The following SPAG16 variants were observed in gnomAD, a reference collection of about 807,000 sequenced individuals.
SPAG16 encodes the protein sperm-associated antigen 16 protein.
A neutral mutation model predicts 80.4 loss-of-function variants in SPAG16; 86 were observed. The ratio of observed to expected loss-of-function variants is 1.07; its 90% CI spans 0.90 to 1.28. The LOEUF (loss-of-function observed/expected upper bound fraction) is 1.28. Among genes scored for constraint, SPAG16 ranks in the 50% most tolerant of loss-of-function variants. The pLI, the probability that SPAG16 is intolerant of heterozygous loss-of-function variation, is 0.00. For missense variants in SPAG16, 870 were observed against 765.3 expected, an observed-to-expected ratio of 1.14 and a Z score of -1.61; for synonymous variants, 294 against 265.9, an observed-to-expected ratio of 1.11 and a Z score of -1.03.
chr2:214,380,652 T>TATC (rs1700396143), intron 15 of SPAG16, among the ~76,000 whole-genome samples: 2 of 152,366 alleles, frequency 1.3e-5, no homozygotes, highest in Admixed American at 1.3e-4. Context: ...AAACAGAGCA[T>TATC]ATCTTCAAAA....
intron 11 of SPAG16, among the ~76,000 whole-genome samples, chr2:213,887,887 T>C (rs2076622352): frequency 6.6e-6 from 1 of 151,918 alleles, no homozygotes; most frequent in Non-Finnish European, 1.5e-5. Context: ...TTTAGGTTGT[T>C]GCAAAGGTAA....
At position 213,818,818 on chromosome 2, in the gene SPAG16, A is replaced by T. The variant is rs551271650; in HGVS notation, c.1071-43667A>T. On this transcript the variant is annotated intron_variant, in intron 10 of 15. Coordinates refer to ENST00000331683, the MANE Select transcript of SPAG16 (RefSeq NM_024532.5). The stretch of plus-strand genomic sequence containing the variant: ...TGAGATCTGATGGTTTAAAAGTGGC[A>T]GTTTCCCCTGTGCTCTCTCTCTCCT... Among the ~76,000 whole-genome samples the T allele has an allele frequency of 4.4e-4, 67 of 152,178 alleles. 1 individual carries two copies. The highest frequency in any genetic ancestry group is 6.8e-3 in the Middle Eastern group (2 of 294).
intron 11 of SPAG16, among the ~76,000 whole-genome samples, chr2:213,914,239 G>A (rs1168166902): frequency 6.6e-6 from 1 of 151,958 alleles, no homozygotes; most frequent in African/African-American, 2.4e-5. Flanking sequence ...AATAACTATA[G>A]AAAGTTCATT....
At chr2:214,201,933 C>T (rs1379526766) in intron 15 of SPAG16, among the ~76,000 whole-genome samples, 2 of 152,214 alleles carry the variant, frequency 1.3e-5, no homozygotes, top group East Asian at 1.9e-4. Context: ...GCAGCCTCAA[C>T]TTCCCAGGCT....
At chr2:213,531,604 C>T (rs1008205703) in intron 10 of SPAG16, among the ~76,000 whole-genome samples, 3 of 152,036 alleles carry the variant, frequency 2.0e-5, no homozygotes, top group Non-Finnish European at 2.9e-5. Flanking sequence ...CCAAGTCCAG[C>T]GCTTCTTTAG....
chr2:213,941,388 G>C (rs930319193), intron 12 of SPAG16, among the ~76,000 whole-genome samples: 1 of 151,950 alleles, frequency 6.6e-6, no homozygotes, highest in Admixed American at 6.6e-5. Context: ...TATCACTGAG[G>C]TACATAAATA....
At chr2:213,781,353 T>C (rs2069952122) in intron 10 of SPAG16, among the ~76,000 whole-genome samples, 2 of 152,194 alleles carry the variant, frequency 1.3e-5, no homozygotes, top group Admixed American at 6.5e-5. Flanking sequence ...TAGAAGGCAT[T>C]AATAGATATA....
intron 13 of SPAG16, among the ~76,000 whole-genome samples, chr2:214,038,024 G>T (rs894109596): frequency 6.6e-6 from 1 of 151,902 alleles, no homozygotes; most frequent in East Asian, 1.9e-4. Context: ...CCTTCTAATG[G>T]TTGTGTTAAT....
intron 12 of SPAG16, among the ~76,000 whole-genome samples, chr2:213,968,080 CTTTCT>C (rs2044801820): frequency 6.8e-6 from 1 of 147,704 alleles, no homozygotes; most frequent in African/African-American, 2.5e-5. Flanking sequence ...CTTTCCTTTC[CTTTCT>C]TCTTTCCTTC....
chr2:214,228,398 G>A (rs966976371), intron 15 of SPAG16, among the ~76,000 whole-genome samples: 6 of 151,808 alleles, frequency 4.0e-5, no homozygotes, highest in Non-Finnish European at 7.4e-5. Flanking sequence ...GCATTCATAG[G>A]AAATATTTTA....
chr2:213,862,709 TTGA>T (rs2075527420), intron 11 of SPAG16, 81 bp downstream of exon 11: 2 of 1,487,466 alleles, frequency 1.3e-6, no homozygotes, highest in Non-Finnish European at 1.8e-6. Flanking sequence ...TCTGCTGTCT[TTGA>T]TGATGTTTTT....
intron 15 of SPAG16, among the ~76,000 whole-genome samples, chr2:214,205,756 A>G (rs1431782898): frequency 6.6e-6 from 1 of 152,230 alleles, no homozygotes; most frequent in Non-Finnish European, 1.5e-5. Flanking sequence ...TATTTATGGA[A>G]TACATGTGAT....
intron 10 of SPAG16, among the ~76,000 whole-genome samples, chr2:213,705,791 TGTTG>T (rs2065725200): frequency 1.7e-5 from 1 of 58,144 alleles, no homozygotes; most frequent in African/African-American, 1.0e-4. Context: ...GAGGGTTTGT[TGTTG>T]TTGTTGTTGT....
chr2:214,361,995 T>G (rs1481269600), intron 15 of SPAG16, among the ~76,000 whole-genome samples: 1 of 151,922 alleles, frequency 6.6e-6, no homozygotes, highest in Non-Finnish European at 1.5e-5. Context: ...TAACTACTTC[T>G]CTTCTGGAGA....
intron 9 of SPAG16, among the ~76,000 whole-genome samples, chr2:213,383,536 AGT>A (rs1575440029): frequency 6.6e-6 from 1 of 152,150 alleles, no homozygotes; most frequent in Non-Finnish European, 1.5e-5. Context: ...ACTCCAATAG[AGT>A]GTGTGCCACT....
intron 15 of SPAG16, among the ~76,000 whole-genome samples, chr2:214,152,727 G>T (rs2056034507): frequency 6.6e-6 from 1 of 152,160 alleles, no homozygotes; most frequent in Non-Finnish European, 1.5e-5. Flanking sequence ...AGCAAAAGGG[G>T]CAGGGTAAAG....
intron 15 of SPAG16, among the ~76,000 whole-genome samples, chr2:214,185,300 A>G (rs1355374393): frequency 1.3e-5 from 2 of 152,080 alleles, no homozygotes; most frequent in African/African-American, 4.8e-5. Context: ...AGTGAACACA[A>G]TTCCTACCAC....
At chr2:213,740,482 C>A (rs1197845752) in intron 10 of SPAG16, among the ~76,000 whole-genome samples, 1 of 152,204 alleles carries the variant, frequency 6.6e-6, no homozygotes, top group Non-Finnish European at 1.5e-5. Context: ...GCCACATTTT[C>A]TTTTAAGAAG....
intron 13 of SPAG16, among the ~76,000 whole-genome samples, chr2:214,052,259 T>G (rs2125136603): frequency 6.6e-6 from 1 of 152,340 alleles, no homozygotes; most frequent in South Asian, 2.1e-4. Flanking sequence ...TTGAATTAAC[T>G]GGACAAGGAG....
Sources: gnomAD v4.1 joint callset for allele counts (sites outside exome capture counted in the v4.1 genomes callset) on GRCh38, gnomAD v4.1.1 for gene constraint, MANE v1.5 for transcripts, NCBI Gene and HGNC (gene_info 2026-07-23, HGNC 2026-07-21) for gene names.